ECHDC1: variants seen among roughly 807,000 people sequenced by gnomAD.
ECHDC1 encodes the protein ethylmalonyl-CoA decarboxylase 1, also known as ethylmalonyl-CoA decarboxylase.
In ECHDC1, 29 loss-of-function variants were observed where a neutral mutation model predicts 29.7. That is an observed-to-expected ratio of 0.98 (90% confidence interval 0.73 to 1.33). ECHDC1 has a LOEUF of 1.33. ECHDC1 is among the 40% of genes most tolerant of loss of function. The probability of loss-of-function intolerance (pLI) is 0.00; values close to 1 mark genes in which losing one functional copy is unlikely to be tolerated. For missense variants in ECHDC1, 328 were observed against 350.0 expected (o/e 0.94, Z 0.50); for synonymous variants, 126 against 123.1 (o/e 1.02, Z -0.15).
At chr6:127,303,264 T>C (rs1484392134) in intron 5 of ECHDC1, among the ~76,000 whole-genome samples, 1 of 36,500 alleles carries the variant, frequency 2.7e-5, no homozygotes, top group African/African-American at 5.8e-5. Context: ...TTATAGAATA[T>C]TTAGCTTATA....
At chr6:127,311,297 G>C (rs1177679695) in intron 5 of ECHDC1, among the ~76,000 whole-genome samples, 1 of 152,286 alleles carries the variant, frequency 6.6e-6, no homozygotes, top group South Asian at 2.1e-4. Flanking sequence ...AGTATATGTT[G>C]TCTACTAGAA....
In ECHDC1 at chr6:127,327,009, G is replaced by A; in HGVS notation, c.356C>T (p.Thr119Ile). 6.2e-7 allele frequency: 1 copy of A among 1,613,366 alleles called. No individual in the cohort carries two copies. The highest frequency in any genetic ancestry group is 8.5e-7 in the Non-Finnish European group (1 of 1,179,708). Reference sequence around the variant, plus strand: ...AATTCATATAACACTTGCCTCTGGAGTTCCTAGTGATTTCACAGCATTCAG... The same window carrying A: ...AATTCATATAACACTTGCCTCTGGAATTCCTAGTGATTTCACAGCATTCAG... ...SDLNAVKSLG[T>I]PEDGMAVCMF... The change falls in exon 3 of 6, where the codon ACT becomes ATT. Residue 119 changes from threonine to isoleucine, a missense_variant. Coordinates refer to ENST00000454859, the MANE Select transcript of ECHDC1 (RefSeq NM_001002030.2).
chr6:127,336,894 C>T (rs1784469499), intron 1 of ECHDC1, among the ~76,000 whole-genome samples: 1 of 152,086 alleles, frequency 6.6e-6, no homozygotes, highest in Non-Finnish European at 1.5e-5. Context: ...GTGGAAGCAA[C>T]TTAAACTAAA....
chr6:127,331,917 C>T, intron 1 of ECHDC1: 2 of 976,104 alleles, frequency 2.0e-6, no homozygotes, highest in Non-Finnish European at 2.4e-6. Flanking sequence ...TTTTTCTGTT[C>T]CCCAAGGTTC....
intron 5 of ECHDC1, among the ~76,000 whole-genome samples, chr6:127,309,844 A>G (rs1050287227): frequency 1.3e-5 from 2 of 152,208 alleles, no homozygotes; most frequent in African/African-American, 2.4e-5. Flanking sequence ...GCAGGAGAGA[A>G]AGAGCGAAAG....
intron 1 of ECHDC1, among the ~76,000 whole-genome samples, chr6:127,341,237 C>T (rs1272423031): frequency 6.6e-6 from 1 of 152,154 alleles, no homozygotes; most frequent in Non-Finnish European, 1.5e-5. Flanking sequence ...ACTGCTTAAG[C>T]CTGCTAGATT....
At chr6:127,329,305 A>T (rs1783689095) in intron 2 of ECHDC1, among the ~76,000 whole-genome samples, 1 of 152,160 alleles carries the variant, frequency 6.6e-6, no homozygotes, top group African/African-American at 2.4e-5. Context: ...TCCTCTCCCA[A>T]TCCAACTCCA....
intron 5 of ECHDC1, among the ~76,000 whole-genome samples, chr6:127,296,502 AAAC>A (rs1195688166): frequency 2.0e-5 from 3 of 152,092 alleles, no homozygotes; most frequent in African/African-American, 7.2e-5. Flanking sequence ...AAAAGAATAA[AAAC>A]AAAAAACAAG....
rs879755624 is a variant in ECHDC1 at position 127,292,920 on chromosome 6, AATG to A, written c.498-2646_498-2644del. ...ACTTGCTTATTTTGACAAGTAAAAGAATGATAAGTGTCTTCTAACTGTTTAATA... is the reference window on the plus strand; with the variant it reads ...ACTTGCTTATTTTGACAAGTAAAAGAATAAGTGTCTTCTAACTGTTTAATA... On this transcript the variant is annotated intron_variant, in intron 5 of 5. Coordinates refer to ENST00000454859, the MANE Select transcript of ECHDC1 (RefSeq NM_001002030.2). Among the ~76,000 whole-genome samples, 136 of 152,268 alleles carry A rather than the reference AATG, an allele frequency of 8.9e-4. 1 individual carries two copies. The highest frequency in any genetic ancestry group is 8.4e-3 in the Admixed American group (128 of 15,296).
At chr6:127,314,411 ATC>A (rs1206758244) in intron 5 of ECHDC1, among the ~76,000 whole-genome samples, 5 of 151,996 alleles carry the variant, frequency 3.3e-5, no homozygotes, top group Non-Finnish European at 5.9e-5. Context: ...ATCTCAGAAA[ATC>A]TCTTTTTATT....
intron 1 of ECHDC1, chr6:127,342,311 CA>C: frequency 6.5e-7 from 1 of 1,530,078 alleles, no homozygotes; most frequent in South Asian, 1.2e-5. Context: ...AATCTGGCCA[CA>C]AATCAACTCT....
rs145175845 is a variant in ECHDC1 at position 127,299,771 on chromosome 6, C to G, written c.498-9494G>C. On this transcript the variant is annotated intron_variant, in intron 5 of 5. Coordinates refer to ENST00000454859, the MANE Select transcript of ECHDC1 (RefSeq NM_001002030.2). ...CCTAGGCCTTCACATTCACTTGCCACTCACTCACTCACTTACCCAGAGAGA... is the reference window on the plus strand; with the variant it reads ...CCTAGGCCTTCACATTCACTTGCCAGTCACTCACTCACTTACCCAGAGAGA... Among the ~76,000 whole-genome samples the G allele has an allele frequency of 4.5e-3, 683 of 152,208 alleles. 1 individual carries two copies. The highest frequency in any genetic ancestry group is 0.01 in the Middle Eastern group (3 of 294).
intron 3 of ECHDC1, among the ~76,000 whole-genome samples, chr6:127,319,104 C>T (rs1782631021): frequency 6.6e-6 from 1 of 152,116 alleles, no homozygotes; most frequent in Non-Finnish European, 1.5e-5. Context: ...AATTATTAGC[C>T]TGTGTACTAT....
At chr6:127,304,639 A>C (rs1032355481) in intron 5 of ECHDC1, among the ~76,000 whole-genome samples, 2 of 152,218 alleles carry the variant, frequency 1.3e-5, no homozygotes, top group Non-Finnish European at 2.9e-5. Flanking sequence ...CAAAACTCAA[A>C]GAAATTCAAG....
intron 5 of ECHDC1, among the ~76,000 whole-genome samples, chr6:127,300,629 A>G (rs898584169): frequency 6.6e-6 from 1 of 152,194 alleles, no homozygotes; most frequent in African/African-American, 2.4e-5. Context: ...CTAGGAGCAA[A>G]GACTCATCCC....
chr6:127,322,587 T>C (rs1293886216), intron 3 of ECHDC1, among the ~76,000 whole-genome samples: 8 of 151,910 alleles, frequency 5.3e-5, no homozygotes, highest in Non-Finnish European at 1.0e-4. Context: ...ACTCTCTCCA[T>C]GTTTTCCTGC....
chr6:127,298,178 G>A (rs1178818294), intron 5 of ECHDC1, among the ~76,000 whole-genome samples: 1 of 151,984 alleles, frequency 6.6e-6, no homozygotes, highest in Non-Finnish European at 1.5e-5. Context: ...AATGGCACAG[G>A]GAAATTATTT....
chr6:127,338,785 A>G (rs1310752633), intron 1 of ECHDC1, among the ~76,000 whole-genome samples: 1 of 152,172 alleles, frequency 6.6e-6, no homozygotes, highest in Admixed American at 6.5e-5. Flanking sequence ...TTTATGTTAC[A>G]TTGCATTTGG....
chr6:127,314,766 G>C, intron 5 of ECHDC1, 50 bp downstream of exon 5: 1 of 1,425,936 alleles, frequency 7.0e-7, no homozygotes, highest in Non-Finnish European at 9.7e-7. Context: ...AAATGAATTT[G>C]AGCAAGTTAA....
Sources: allele counts gnomAD v4.1 joint callset (sites outside exome capture counted in the v4.1 genomes callset), GRCh38; gene constraint gnomAD v4.1.1; transcripts MANE v1.5; gene names NCBI Gene and HGNC (gene_info 2026-07-23, HGNC 2026-07-21).